The following ANKRD44 variants were observed in gnomAD, a reference collection of about 807,000 sequenced individuals.
ANKRD44 encodes the protein ankyrin repeat domain 44, also known as serine/threonine-protein phosphatase 6 regulatory ankyrin repeat subunit B.
ANKRD44 carries 35 observed loss-of-function variants against 116.0 expected under a neutral mutation model. The observed-to-expected ratio is 0.30, with a 90% CI of 0.23 to 0.40. The LOEUF is 0.40. ANKRD44 is among the 10% of genes least tolerant of loss of function. The pLI is 1.00. For missense variants in ANKRD44, 1,014 were observed against 1,242.6 expected, an observed-to-expected ratio of 0.82 and a Z score of 2.77; for synonymous variants, 435 against 461.8, an observed-to-expected ratio of 0.94 and a Z score of 0.74.
At chr2:197,168,701 C>T (rs1056160000) in intron 2 of ANKRD44, among the ~76,000 whole-genome samples, 1 of 152,156 alleles carries the variant, frequency 6.6e-6, no homozygotes, top group African/African-American at 2.4e-5. Flanking sequence ...CTCTCTCTTC[C>T]TTGCCCCTCA....
chr2:197,010,105 C>T (rs73049614), intron 18 of ANKRD44, among the ~76,000 whole-genome samples: 7,610 of 151,922 alleles, frequency 0.05, 429 homozygotes, highest in African/African-American at 0.14. Flanking sequence ...AGAGGGGAGA[C>T]GGTCAGAAGG....
Position 196,998,354 on chromosome 2 carries a change from G to A in ANKRD44, c.2731C>T (p.His911Tyr), listed in dbSNP as rs2076051794. Residue 911 changes from histidine (H) to tyrosine (Y), a missense_variant, in exon 25 of 28, where the codon CAT becomes TAT. Physicochemically the swap from His to Tyr is moderately conservative, Grantham distance 83 (BLOSUM62 2). Coordinates refer to ENST00000282272, the MANE Select transcript of ANKRD44 (RefSeq NM_001195144.2). The stretch of plus-strand genomic sequence containing the variant: ...TTACATACTTTACTACAAGCCAAAT[G>A]TAAGGGTGTATTCAAGTCCTTATCC... ...VKDKDLNTPL[H>Y]LACSKGHEKC... is the part of the protein sequence containing the mutation. 3 of 1,612,766 alleles carry A rather than the reference G, an allele frequency of 1.9e-6. No homozygotes were observed. Among genetic ancestry groups the A allele is most frequent in the African/African-American group, 1.3e-5 (1 of 74,892 alleles).
At chr2:197,190,252 T>C (rs2080791746) in intron 1 of ANKRD44, among the ~76,000 whole-genome samples, 2 of 152,178 alleles carry the variant, frequency 1.3e-5, no homozygotes, top group Admixed American at 1.3e-4. Context: ...ACAAACCCCT[T>C]CTACTTCCCG....
Position 197,013,664 on chromosome 2 carries a change from C to T in ANKRD44, c.1771G>A (p.Val591Met). The change falls in exon 18 of 28, where the codon GTG (valine) becomes ATG (methionine). Residue 591 changes from valine (V) to methionine (M), a missense_variant. By Grantham distance (21) the Val-to-Met change is conservative. Coordinates refer to ENST00000282272, the MANE Select transcript of ANKRD44 (RefSeq NM_001195144.2). ...QALEVLLQSL[V>M]DLDIRDEKGR... ...TTCTCATCCCTGATGTCCAGGTCCA[C>T]CAACGACTGCAGAAGGACTTCCAAG... 1.2e-6 allele frequency: 2 copies of T among 1,613,870 alleles called. No homozygotes were observed. Among genetic ancestry groups the T allele is most frequent in the African/African-American group, 1.3e-5 (1 of 75,024 alleles).
chr2:197,248,824 T>G (rs868782844), intron 1 of ANKRD44, among the ~76,000 whole-genome samples: 27 of 152,048 alleles, frequency 1.8e-4, no homozygotes, highest in African/African-American at 5.6e-4. Context: ...CTGAAGTATG[T>G]GTAGTTCAGG....
chr2:197,078,451 T>C (rs1486529733), intron 16 of ANKRD44: 1 of 1,004,224 alleles, frequency 1.0e-6, no homozygotes, highest in African/African-American at 1.7e-5. Context: ...TACTGCCTTA[T>C]ATCGATGACT....
intron 9 of ANKRD44, among the ~76,000 whole-genome samples, chr2:197,100,439 A>C (rs60391487): frequency 0.13 from 18,977 of 151,286 alleles, 1,411 homozygotes; most frequent in Non-Finnish European, 0.17. Flanking sequence ...CGTCTCAAAA[A>C]AAAAGAAAAA....
At chr2:197,247,900 C>T (rs746235909) in intron 1 of ANKRD44, among the ~76,000 whole-genome samples, 2 of 152,164 alleles carry the variant, frequency 1.3e-5, no homozygotes, top group African/African-American at 4.8e-5. Context: ...CAAGGTGAAG[C>T]GGGAAATGGC....
At chr2:197,079,082 C>T (rs1309189964) in intron 15 of ANKRD44, among the ~76,000 whole-genome samples, 1 of 151,460 alleles carries the variant, frequency 6.6e-6, no homozygotes, top group East Asian at 2.0e-4. Flanking sequence ...AGGGTAATTA[C>T]GATTTTTTTC....
chr2:197,227,944 T>G (rs746167408), intron 1 of ANKRD44, among the ~76,000 whole-genome samples: 1 of 152,240 alleles, frequency 6.6e-6, no homozygotes, highest in Non-Finnish European at 1.5e-5. Context: ...ATGAAGTCTG[T>G]ATCACCAGAT....
intron 1 of ANKRD44, among the ~76,000 whole-genome samples, chr2:197,222,606 G>A (rs977316889): frequency 6.6e-6 from 1 of 152,058 alleles, no homozygotes; most frequent in Non-Finnish European, 1.5e-5. Context: ...AGAAGTTTGG[G>A]AGAAAGGGCA....
chr2:197,023,354 C>T (rs1439325474), intron 17 of ANKRD44, among the ~76,000 whole-genome samples: 1 of 152,050 alleles, frequency 6.6e-6, no homozygotes, highest in African/African-American at 2.4e-5. Context: ...TAACAGATTC[C>T]CTTTAACTTA....
chr2:197,186,662 A>C, intron 2 of ANKRD44, among the ~76,000 whole-genome samples: 2 of 100,036 alleles, frequency 2.0e-5, no homozygotes, highest in African/African-American at 3.5e-5. Context: ...ACAGAGTTTC[A>C]CCATGTTGCC....
intron 1 of ANKRD44, among the ~76,000 whole-genome samples, chr2:197,207,340 C>T (rs2081230881): frequency 6.6e-6 from 1 of 152,220 alleles, no homozygotes; most frequent in African/African-American, 2.4e-5. Flanking sequence ...ACAGCCACAA[C>T]ATTCTTTTAA....
intron 20 of ANKRD44, among the ~76,000 whole-genome samples, chr2:197,006,236 A>C (rs1224695545): frequency 6.6e-6 from 1 of 152,052 alleles, no homozygotes; most frequent in Non-Finnish European, 1.5e-5. Context: ...AGGTCAGGAG[A>C]TCGAGACCAT....
At chr2:197,255,501 G>C (rs1186244237) in intron 1 of ANKRD44, among the ~76,000 whole-genome samples, 1 of 152,252 alleles carries the variant, frequency 6.6e-6, no homozygotes, top group East Asian at 1.9e-4. Context: ...ATATAAGCTA[G>C]GTATCCCTTC....
At position 196,989,653 on chromosome 2, in the gene ANKRD44, T is replaced by C. The variant is rs2075884998; in HGVS notation, c.2924-4A>G. Reference sequence around the variant, plus strand: ...CGGGGTCCATTTGACCTAGAAGCTTTGGCAGAGGGAGCAGACACAGTATTC... The same window carrying C: ...CGGGGTCCATTTGACCTAGAAGCTTCGGCAGAGGGAGCAGACACAGTATTC... On this transcript the variant is annotated splice_region_variant and splice_polypyrimidine_tract_variant and intron_variant, in intron 27 of 27. Coordinates refer to ENST00000282272, the MANE Select transcript of ANKRD44 (RefSeq NM_001195144.2). 2 of 1,550,160 alleles carry C rather than the reference T, an allele frequency of 1.3e-6. No individual in the cohort carries two copies. The highest frequency in any genetic ancestry group is 1.4e-5 in the African/African-American group (1 of 73,038).
chr2:197,086,777 A>G, intron 12 of ANKRD44, 29 bp from the exon 13 acceptor site: 1 of 1,605,636 alleles, frequency 6.2e-7, no homozygotes, highest in South Asian at 1.1e-5. Flanking sequence ...CATCATTAAG[A>G]TGGAAGAGAT....
intron 4 of ANKRD44, among the ~76,000 whole-genome samples, chr2:197,131,741 C>T (rs1030060425): frequency 5.3e-5 from 8 of 152,190 alleles, no homozygotes; most frequent in African/African-American, 1.7e-4. Context: ...GCCTGGTTAT[C>T]TCCCCAAATA....
Sources: allele counts gnomAD v4.1 joint callset (sites outside exome capture counted in the v4.1 genomes callset), GRCh38; gene constraint gnomAD v4.1.1; transcripts MANE v1.5; gene names NCBI Gene and HGNC (gene_info 2026-07-23, HGNC 2026-07-21).